UGT2B7: variants seen among roughly 807,000 people sequenced by gnomAD.
UGT2B7 encodes the protein UDP-glucuronosyltransferase 2B7.
A neutral mutation model predicts 51.9 loss-of-function variants in UGT2B7; 51 were observed. The observed-to-expected ratio is 0.98, with a 90% CI of 0.78 to 1.24. The LOEUF (loss-of-function observed/expected upper bound fraction) is 1.24. UGT2B7 is among the 50% of genes most tolerant of loss of function. The pLI is 0.00. For missense variants in UGT2B7, 727 were observed against 628.4 expected (o/e 1.16, Z -1.68); for synonymous variants, 225 against 211.6 (o/e 1.06, Z -0.55).
intron 1 of UGT2B7, among the ~76,000 whole-genome samples, chr4:69,074,634 T>G (rs2109870239): frequency 6.6e-6 from 1 of 152,076 alleles, no homozygotes; most frequent in African/African-American, 2.4e-5. Context: ...TATTTAAAAT[T>G]GCCTCTGCTG....
upstream of UGT2B7, among the ~76,000 whole-genome samples, chr4:69,096,273 T>C (rs1301153568): frequency 6.6e-6 from 1 of 152,164 alleles, no homozygotes; most frequent in East Asian, 1.9e-4. Flanking sequence ...ACAAGATCCT[T>C]GATATTAGCT....
Position 69,097,129 on chromosome 4 carries a change from T to C in UGT2B7, c.609T>C (p.Asp203=), listed in dbSNP as rs1719265441. 6.2e-7 allele frequency: 1 copy of C among 1,613,688 alleles called. No individual in the cohort carries two copies. Among genetic ancestry groups the C allele is most frequent in the Non-Finnish European group, 8.5e-7 (1 of 1,179,682 alleles). Residue 203 remains aspartate (D), a synonymous_variant, in exon 1 of 6, where the codon GAT becomes GAC. Transcript: ENST00000305231. ...CTGTTGTTATGTCAGAATTAACTGA[T>C]CAAATGACTTTCATGGAGAGGGTAA... ...YVPVVMSELT[D]QMTFMERVKN...
chr4:69,103,991 A>C (rs556712932), intron 3 of UGT2B7, among the ~76,000 whole-genome samples: 5 of 152,294 alleles, frequency 3.3e-5, no homozygotes, highest in Admixed American at 6.5e-5. Flanking sequence ...TCCTGTGATT[A>C]AAAGTGTAAA....
At chr4:69,105,603 T>G (rs938175515) in intron 3 of UGT2B7, among the ~76,000 whole-genome samples, 1 of 152,042 alleles carries the variant, frequency 6.6e-6, no homozygotes, top group African/African-American at 2.4e-5. Flanking sequence ...CAATTTTGAG[T>G]TTTTTCAACA....
At chr4:69,057,615 C>A (rs1718235704) in intron 1 of UGT2B7, among the ~76,000 whole-genome samples, 1 of 152,156 alleles carries the variant, frequency 6.6e-6, no homozygotes, top group African/African-American at 2.4e-5. Flanking sequence ...AAAGCTCAGA[C>A]CTTGAAACAA....
chr4:69,104,383 A>G (rs1346551508), intron 3 of UGT2B7, among the ~76,000 whole-genome samples: 1 of 152,154 alleles, frequency 6.6e-6, no homozygotes, highest in East Asian at 1.9e-4. Context: ...TTTTACTTCA[A>G]CATAGGGAAC....
At position 69,096,890 on chromosome 4, in the gene UGT2B7, A is replaced by G; in HGVS notation, c.370A>G (p.Arg124Gly). 1.2e-6 allele frequency: 2 copies of G among 1,612,962 alleles called. No individual in the cohort carries two copies. Among genetic ancestry groups the G allele is most frequent in the Non-Finnish European group, 8.5e-7 (1 of 1,179,698 alleles). The part of the protein sequence containing the change: ...EIMSIFGDIT[R>G]KFCKDVVSNK... ...CATGTCAATATTTGGTGACATAACTAGAAAGTTCTGTAAAGATGTAGTTTC... is the reference window on the plus strand; with the variant it reads ...CATGTCAATATTTGGTGACATAACTGGAAAGTTCTGTAAAGATGTAGTTTC... Residue 124 changes from arginine to glycine, a missense_variant, in exon 1 of 6, where the codon AGA (arginine) becomes GGA (glycine). Arg to Gly is a moderately radical substitution (Grantham distance 125). Coordinates refer to ENST00000305231, the MANE Select transcript of UGT2B7 (RefSeq NM_001074.4).
Position 69,098,619 on chromosome 4 carries a change from A to T in UGT2B7, c.801A>T (p.Pro267=), listed in dbSNP as rs7438284. The change falls in exon 2 of 6, where the codon CCA becomes CCT. Residue 267 remains proline, a synonymous_variant. Coordinates refer to ENST00000305231, the MANE Select transcript of UGT2B7 (RefSeq NM_001074.4). ...LIRNSWNFQF[P]YPLLPNVDFV... is the part of the protein sequence containing the mutation. ...GAAACTCCTGGAATTTTCAGTTTCC[A>T]TATCCACTCTTACCAAATGTTGATT... 807,417 of 1,610,220 alleles carry T rather than the reference A, an allele frequency of 0.5. 209,131 individuals are homozygous for T. The highest frequency in any genetic ancestry group is 0.71 in the African/African-American group (53,107 of 74,440).
intron 1 of UGT2B7, among the ~76,000 whole-genome samples, chr4:69,071,494 G>C (rs778720509): frequency 6.6e-6 from 1 of 152,032 alleles, no homozygotes; most frequent in African/African-American, 2.4e-5. Flanking sequence ...TTTGGACTCA[G>C]AACAAGGTTT....
At chr4:69,080,967 G>A (rs1245674998) in intron 1 of UGT2B7, among the ~76,000 whole-genome samples, 1 of 152,012 alleles carries the variant, frequency 6.6e-6, no homozygotes, top group Non-Finnish European at 1.5e-5. Flanking sequence ...AAACACAGAA[G>A]CATAGATAGC....
chr4:69,065,674 T>C (rs1232346147), intron 1 of UGT2B7, among the ~76,000 whole-genome samples: 1 of 152,226 alleles, frequency 6.6e-6, no homozygotes, highest in Non-Finnish European at 1.5e-5. Context: ...ACATAGATGA[T>C]GGCATAGATT....
At chr4:69,061,926 G>A (rs973121759) in intron 1 of UGT2B7, among the ~76,000 whole-genome samples, 7 of 152,234 alleles carry the variant, frequency 4.6e-5, no homozygotes, top group South Asian at 4.2e-4. Flanking sequence ...GGCCTTCTCC[G>A]TCAGGACAGA....
intron 5 of UGT2B7, among the ~76,000 whole-genome samples, chr4:69,112,096 A>T (rs1051227224): frequency 1.3e-5 from 2 of 152,190 alleles, no homozygotes; most frequent in Non-Finnish European, 2.9e-5. Flanking sequence ...CCTGTGCCTG[A>T]TAGTTAAAGA....
At chr4:69,109,142 T>A (rs1719699381) in intron 5 of UGT2B7, among the ~76,000 whole-genome samples, 1 of 152,168 alleles carries the variant, frequency 6.6e-6, no homozygotes, top group South Asian at 2.1e-4. Context: ...TATGTCATAT[T>A]TTAGTTGTTC....
chr4:69,100,272 T>C (rs1309658894), intron 2 of UGT2B7, among the ~76,000 whole-genome samples: 1 of 151,966 alleles, frequency 6.6e-6, no homozygotes, highest in Non-Finnish European at 1.5e-5. Flanking sequence ...TTATACCACT[T>C]GTATCTGAAT....
intron 1 of UGT2B7, among the ~76,000 whole-genome samples, chr4:69,074,602 A>G (rs1432271540): frequency 1.3e-5 from 2 of 151,758 alleles, no homozygotes; most frequent in African/African-American, 2.4e-5. Context: ...ATATTCTCTA[A>G]TGTAAGAGAA....
chr4:69,063,811 C>T (rs1350987538), intron 1 of UGT2B7, among the ~76,000 whole-genome samples: 1 of 151,968 alleles, frequency 6.6e-6, no homozygotes, highest in South Asian at 2.1e-4. Flanking sequence ...GCTTAATGTT[C>T]CCTTGCCTCT....
chr4:69,097,068 A>C lies in UGT2B7; in HGVS notation c.548A>C (p.His183Pro). 6.2e-7 allele frequency: 1 copy of C among 1,613,818 alleles called. No individual in the cohort carries two copies. Among genetic ancestry groups the C allele is most frequent in the South Asian group, 1.1e-5 (1 of 91,078 alleles). ...SFSPGYTFEK[H>P]SGGFIFPPSY... ...TCTCCTGGCTACACTTTTGAAAAGC[A>C]TAGTGGAGGATTTATTTTCCCTCCT... Residue 183 changes from histidine (H) to proline (P), a missense_variant, in exon 1 of 6, where the codon CAT (histidine) becomes CCT (proline). By Grantham distance (77) the His-to-Pro change is moderately conservative. Coordinates refer to ENST00000305231, the MANE Select transcript of UGT2B7 (RefSeq NM_001074.4).
chr4:69,080,296 C>T (rs868649901), intron 1 of UGT2B7, among the ~76,000 whole-genome samples: 2 of 152,010 alleles, frequency 1.3e-5, no homozygotes, highest in African/African-American at 2.4e-5. Context: ...ACCTGTAATC[C>T]CAGCACTTTG....
Sources: gnomAD v4.1 joint callset for allele counts (sites outside exome capture counted in the v4.1 genomes callset) on GRCh38, gnomAD v4.1.1 for gene constraint, MANE v1.5 for transcripts, NCBI Gene and HGNC (gene_info 2026-07-23, HGNC 2026-07-21) for gene names.